MMD2: variants seen among roughly 807,000 people sequenced by gnomAD.
MMD2 encodes the protein monocyte to macrophage differentiation associated 2.
Under a neutral mutation model 33.5 loss-of-function variants are expected in MMD2, and 30 were observed. The ratio of observed to expected loss-of-function variants is 0.90; its 90% confidence interval spans 0.67 to 1.22. The LOEUF (loss-of-function observed/expected upper bound fraction) is 1.22. MMD2 is among the 50% of genes most tolerant of loss of function. MMD2 has a pLI of 0.00. For synonymous variants in MMD2, 129 were observed against 123.0 expected (o/e 1.05, Z -0.32); for missense variants, 364 against 325.4 (o/e 1.12, Z -0.91).
At chr7:4,939,356 T>C (rs1210291717) in intron 1 of MMD2, among the ~76,000 whole-genome samples, 1 of 151,770 alleles carries the variant, frequency 6.6e-6, no homozygotes, top group Non-Finnish European at 1.5e-5. Flanking sequence ...CTGGGCAACA[T>C]AGCAAGACCC....
chr7:4,897,542 G>C, the MMD2 span, among the ~76,000 whole-genome samples: 2 of 152,270 alleles, frequency 1.3e-5, no homozygotes, highest in East Asian at 3.9e-4. Context: ...CCCAGAGAAA[G>C]GCCTTAAGAA....
At chr7:4,930,658 G>GTC (rs1562486398) in intron 1 of MMD2, among the ~76,000 whole-genome samples, 1 of 144,486 alleles carries the variant, frequency 6.9e-6, no homozygotes, top group Non-Finnish European at 1.5e-5. Flanking sequence ...AAAAAAAAGA[G>GTC]GAAAGAGACA....
chr7:4,907,357 A>G lies in MMD2; in HGVS notation c.*39T>C, dbSNP rs559660910. On this transcript the variant is annotated 3_prime_UTR_variant, in exon 7 of 7. Transcript: ENST00000401401. Reference sequence around the variant, plus strand: ...GTTAACGTTCACAGAAACGTGCTCCACTCCTAAAGCCCAAACGACCTCTCA... The same window carrying G: ...GTTAACGTTCACAGAAACGTGCTCCGCTCCTAAAGCCCAAACGACCTCTCA... 111 of 1,601,874 alleles carry G rather than the reference A, an allele frequency of 6.9e-5. 1 individual carries two copies. In the South Asian group the frequency reaches 1.1e-3, roughly 17 times the overall value.
downstream of MMD2, among the ~76,000 whole-genome samples, chr7:4,904,115 T>C (rs1394314438): frequency 6.6e-6 from 1 of 152,178 alleles, no homozygotes; most frequent in Admixed American, 6.5e-5. Flanking sequence ...GTATTTTTAG[T>C]AGAGACGGGG....
At chr7:4,908,584 C>G (rs538757953) in intron 6 of MMD2, among the ~76,000 whole-genome samples, 1 of 152,086 alleles carries the variant, frequency 6.6e-6, no homozygotes, top group African/African-American at 2.4e-5. Context: ...CAGGGGTCAG[C>G]CAAGGAATGA....
At chr7:4,901,921 T>C (rs1370615500), downstream of MMD2, among the ~76,000 whole-genome samples, 2 of 152,224 alleles carry the variant, frequency 1.3e-5, no homozygotes, top group East Asian at 3.8e-4. Flanking sequence ...AAATTGACAA[T>C]GCTACACACC....
chr7:4,916,378 T>C, intron 3 of MMD2, among the ~76,000 whole-genome samples: 1 of 138,862 alleles, frequency 7.2e-6, no homozygotes, highest in East Asian at 2.1e-4. Context: ...CCACTTTTTT[T>C]TTTTTTTTTT....
intron 4 of MMD2, among the ~76,000 whole-genome samples, chr7:4,912,654 G>A (rs1035705856): frequency 6.6e-6 from 1 of 152,004 alleles, no homozygotes; most frequent in Non-Finnish European, 1.5e-5. Flanking sequence ...GTTAACAATG[G>A]TGGTGATGAC....
At position 4,959,082 on chromosome 7, in the gene MMD2, G is replaced by A. The variant is rs373516195; in HGVS notation, c.-65C>T. On this transcript the variant is annotated 5_prime_UTR_variant, in exon 1 of 7. Coordinates refer to ENST00000401401, the MANE Select transcript of MMD2 (RefSeq NM_198403.4). ...GCGGGTAGCTGGCAGAGCCTGGGGG[G>A]CGCGGCGGCGGCAGCAGCAGGTTGG... The A allele has an allele frequency of 6.5e-4, 796 of 1,219,856 alleles. 13 individuals are homozygous for A. The East Asian group carries it at 0.021, about 32-fold the overall frequency. The allele number at this position is 1,219,856 out of a possible 1,614,324, so 75.6% of individuals were successfully genotyped here. A position where few individuals can be genotyped will look rare whatever the true frequency, so the allele number is the denominator to read the frequency against.
In MMD2 at chr7:4,918,323, T is replaced by G. The variant is rs563342115; in HGVS notation, c.290+1848A>C. On this transcript the variant is annotated intron_variant, in intron 3 of 6. Transcript: ENST00000401401. ...TGCAGCCCTGAACAAATTTGACTAA[T>G]GATTGTATGCACGGCTCAACTGCAT... is the stretch of plus-strand genomic sequence containing the variant. Among the ~76,000 whole-genome samples the G allele has an allele frequency of 2.4e-4, 36 of 152,302 alleles. 1 individual carries two copies. Among genetic ancestry groups the G allele is most frequent in the Admixed American group, 1.6e-3 (25 of 15,282 alleles).
intron 1 of MMD2, among the ~76,000 whole-genome samples, chr7:4,934,218 C>A (rs1785673436): frequency 1.3e-5 from 2 of 152,152 alleles, no homozygotes; most frequent in Admixed American, 6.6e-5. Context: ...GCGTGAGCCA[C>A]TATGCCCGGC....
At chr7:4,895,204 A>T in the MMD2 span, among the ~76,000 whole-genome samples, 1 of 151,796 alleles carries the variant, frequency 6.6e-6, no homozygotes, top group Non-Finnish European at 1.5e-5. Flanking sequence ...AGCCTCTTGA[A>T]TAGCTGGGAT....
intron 3 of MMD2, among the ~76,000 whole-genome samples, chr7:4,919,001 A>G (rs1785208825): frequency 6.6e-6 from 1 of 152,030 alleles, no homozygotes; most frequent in Non-Finnish European, 1.5e-5. Context: ...CGGGAGGCTG[A>G]GATAAGAGGA....
rs148877202 is a variant in MMD2, at chr7:4,920,522, T to C, written c.130-191A>G. Among the ~76,000 whole-genome samples the C allele has an allele frequency of 3.5e-3, 526 of 152,082 alleles. 3 individuals are homozygous for C. The highest frequency in any genetic ancestry group is 0.012 in the African/African-American group (484 of 41,490). On this transcript the variant is annotated intron_variant, in intron 2 of 6. Coordinates refer to ENST00000401401, the MANE Select transcript of MMD2 (RefSeq NM_198403.4). ...GGTGTAAATTTCCTTTCTTCCTTCC[T>C]TCCCTCCCTCCCTCTCTCCTTTCCC...
chr7:4,955,432 TTTGGAATA>T (rs1219084248), intron 1 of MMD2, among the ~76,000 whole-genome samples: 1 of 152,168 alleles, frequency 6.6e-6, no homozygotes, highest in Non-Finnish European at 1.5e-5. Context: ...CAGAATTTAA[TTTGGAATA>T]CCCATCTCTC....
intron 2 of MMD2, among the ~76,000 whole-genome samples, chr7:4,924,714 G>T (rs1297087375): frequency 2.6e-5 from 4 of 152,218 alleles, no homozygotes; most frequent in Non-Finnish European, 5.9e-5. Flanking sequence ...GGTTTCATAG[G>T]CAGGGCTGGA....
Position 4,946,252 on chromosome 7 carries a change from C to A in MMD2, c.47+12719G>T, listed in dbSNP as rs1786084876. Among the ~76,000 whole-genome samples, 1 of 152,174 alleles carries A rather than the reference C, an allele frequency of 6.6e-6. No homozygotes were observed. Among genetic ancestry groups the A allele is most frequent in the South Asian group, 2.1e-4 (1 of 4,832 alleles). On this transcript the variant is annotated intron_variant, in intron 1 of 6. Coordinates refer to ENST00000401401, the MANE Select transcript of MMD2 (RefSeq NM_198403.4). The surrounding 1 kb of genome is among the most constrained non-coding windows in gnomAD (Gnocchi z 5.0). ...ACACGCACACACACGCACACCCCACCCCGTGCACACAATCCCAGGAGCTTC... is the reference window on the plus strand; with the variant it reads ...ACACGCACACACACGCACACCCCACACCGTGCACACAATCCCAGGAGCTTC...
chr7:4,953,264 G>T (rs1040049383), intron 1 of MMD2, among the ~76,000 whole-genome samples: 8 of 151,744 alleles, frequency 5.3e-5, no homozygotes, highest in African/African-American at 1.9e-4. Context: ...GCAGGGAATT[G>T]TCTTGGTCAG....
intron 1 of MMD2, among the ~76,000 whole-genome samples, chr7:4,950,079 T>TTGTGTG (rs60203634): frequency 2.7e-5 from 4 of 149,974 alleles, no homozygotes; most frequent in African/African-American, 4.9e-5. Context: ...TCACCTTCTT[T>TTGTGTG]TGTGTGTGTG....
Sources: gnomAD v4.1 joint callset for allele counts (sites outside exome capture counted in the v4.1 genomes callset) on GRCh38, gnomAD v4.1.1 for gene constraint, Gnocchi (gnomAD v3.1) non-coding constraint, MANE v1.5 for transcripts, NCBI Gene and HGNC (gene_info 2026-07-23, HGNC 2026-07-21) for gene names.